The following RGPD3 variants were observed in gnomAD, a reference collection of about 807,000 sequenced individuals.
The protein encoded by RGPD3 is ranBP2-like and GRIP domain-containing protein 3.
RGPD3 carries 62 observed loss-of-function variants against 154.5 expected under a neutral mutation model. That is an observed-to-expected ratio of 0.40 (90% CI 0.33 to 0.50). The LOEUF is 0.50. RGPD3 is among the 20% of genes least tolerant of loss of function. The pLI is 0.59. For synonymous variants in RGPD3, 308 were observed against 607.0 expected, an observed-to-expected ratio of 0.51 and a Z score of 7.24; for missense variants, 919 against 1,716.8, an observed-to-expected ratio of 0.54 and a Z score of 8.21.
chr2:106,467,652 G>A (rs2104530698), intron 1 of RGPD3, among the ~76,000 whole-genome samples: 2 of 144,854 alleles, frequency 1.4e-5, no homozygotes, highest in Non-Finnish European at 1.5e-5. Flanking sequence ...GAGCGCGCCA[G>A]GGAGCAGCGC....
rs750586738 is a variant in RGPD3, at chr2:106,424,322, T to C, written c.3645A>G (p.Lys1215=). 1.2e-6 allele frequency: 2 copies of C among 1,611,842 alleles called. No homozygotes were observed. Among genetic ancestry groups the C allele is most frequent in the Non-Finnish European group, 1.7e-6 (2 of 1,179,868 alleles). The change falls in exon 20 of 23, where the codon AAA becomes AAG. Residue 1215 remains lysine, a synonymous_variant. Transcript: ENST00000409886. ...AACCCTTATTTTCTTCCTCAGCGAC[T>C]TTTGTTTGATCATTTGTCAAAAATG... ...FKTFLTNDQT[K]VAEEENKGSG...
At chr2:106,461,439 G>T (rs1483110511) in intron 1 of RGPD3, among the ~76,000 whole-genome samples, 1 of 152,218 alleles carries the variant, frequency 6.6e-6, no homozygotes, top group Non-Finnish European at 1.5e-5. Flanking sequence ...GAATATGTTG[G>T]ACAAAGGGAT....
intron 8 of RGPD3, among the ~76,000 whole-genome samples, chr2:106,439,841 G>C (rs541293846): frequency 7.6e-6 from 1 of 130,858 alleles, no homozygotes; most frequent in African/African-American, 2.7e-5. Context: ...ACTCCAGCCC[G>C]GGCGACAGAG....
At chr2:106,470,788 G>A, upstream of RGPD3, 2 of 1,595,950 alleles carry the variant, frequency 1.3e-6, no homozygotes, top group Non-Finnish European at 1.7e-6. Context: ...GCAACACCTA[G>A]TCCTTTTCTT....
At chr2:106,437,878 C>G (rs1429479655) in intron 9 of RGPD3, among the ~76,000 whole-genome samples, 13 of 152,304 alleles carry the variant, frequency 8.5e-5, no homozygotes, top group Non-Finnish European at 5.9e-5. Flanking sequence ...ATAAATCATA[C>G]ATAACCATTT....
intron 7 of RGPD3, among the ~76,000 whole-genome samples, chr2:106,446,074 G>A (rs376704713): frequency 1.4e-5 from 1 of 72,880 alleles, no homozygotes; most frequent in African/African-American, 5.3e-5. Context: ...GGCAACAAGA[G>A]CAAAACTCCG....
chr2:106,468,036 T>C (rs1309775637), intron 1 of RGPD3, among the ~76,000 whole-genome samples, 181 bp downstream of exon 1: 1 of 142,400 alleles, frequency 7.0e-6, no homozygotes, highest in Admixed American at 6.9e-5. Flanking sequence ...TCGGGAGCCA[T>C]GACGCCTGAG....
At chr2:106,441,194 C>T in intron 8 of RGPD3, 99 bp downstream of exon 8, 1 of 1,538,424 alleles carries the variant, frequency 6.5e-7, no homozygotes, top group East Asian at 2.5e-5. Flanking sequence ...ATAATTTTGA[C>T]AAATTATCTC....
At chr2:106,409,666 G>T (rs957375812) in intron 22 of RGPD3, among the ~76,000 whole-genome samples, 32 of 151,110 alleles carry the variant, frequency 2.1e-4, no homozygotes, top group African/African-American at 7.1e-4. Flanking sequence ...GATTTTATTG[G>T]GTTTTTGAAT....
At position 106,423,703 on chromosome 2, in the gene RGPD3, C is replaced by T. The variant is rs757120824; in HGVS notation, c.4264G>A (p.Gly1422Arg). 2 of 1,610,706 alleles carry T rather than the reference C, an allele frequency of 1.2e-6. No homozygotes were observed. Among genetic ancestry groups the T allele is most frequent in the Non-Finnish European group, 1.7e-6 (2 of 1,179,372 alleles). ...GTCCACACCCATACTCTTTCTGTCC[C>T]TTTCATATTTTGCAAACTCATGTCT... ...TPDMSLQNMK[G>R]TERVWVWTAC... The change falls in exon 20 of 23, where the codon GGG (glycine) becomes AGG (arginine). Residue 1422 changes from glycine (G) to arginine (R), a missense_variant. Transcript: ENST00000409886.
chr2:106,424,821 TCTA>T lies in RGPD3; in HGVS notation c.3143_3145del (p.Val1048del), dbSNP rs1334865112. The T allele has an allele frequency of 1.2e-6, 2 of 1,611,784 alleles. No homozygotes were observed. The highest frequency in any genetic ancestry group is 3.3e-5 in the Admixed American group (2 of 59,988). ...TTCACCTTCTTCTCCTGTTACAAGT[TCTA>T]CTTTTTCAGGCATTTGAACTACTGG... On this transcript the variant is annotated inframe_deletion, in exon 20 of 23. Transcript: ENST00000409886.
intron 4 of RGPD3, among the ~76,000 whole-genome samples, chr2:106,454,874 AG>A (rs1241550384): frequency 5.9e-5 from 9 of 152,244 alleles, no homozygotes; most frequent in Non-Finnish European, 1.3e-4. Flanking sequence ...ATTACTGGGG[AG>A]AAAAACTTAT....
intron 1 of RGPD3, among the ~76,000 whole-genome samples, chr2:106,466,221 C>G (rs1405820847): frequency 2.0e-5 from 3 of 152,164 alleles, no homozygotes; most frequent in Admixed American, 6.5e-5. Flanking sequence ...GTCTCCCGCC[C>G]GCAGCGGTCC....
intron 21 of RGPD3, among the ~76,000 whole-genome samples, chr2:106,413,949 G>A (rs1275099623): frequency 6.6e-6 from 1 of 152,134 alleles, no homozygotes; most frequent in Non-Finnish European, 1.5e-5. Flanking sequence ...GTATGGCATG[G>A]GGCTCTGAAA....
At chr2:106,459,672 T>G (rs1396124124) in intron 1 of RGPD3, among the ~76,000 whole-genome samples, 4 of 128,910 alleles carry the variant, frequency 3.1e-5, no homozygotes, top group Non-Finnish European at 6.5e-5. Context: ...CCAGGCATGA[T>G]GGCGGGTGCC....
chr2:106,423,767 G>A lies in RGPD3; in HGVS notation c.4200C>T (p.Asp1400=), dbSNP rs1330766308. ...GATTGGCACAAAGTTTTAATACTTG[G>A]TCCCTTCTCATCAGTATACGAACGT... ...NKHVRILMRR[D]QVLKLCANHR... Residue 1400 remains aspartate, a synonymous_variant, in exon 20 of 23, where the codon GAC becomes GAT. Transcript: ENST00000409886. 9 of 1,611,752 alleles carry A rather than the reference G, an allele frequency of 5.6e-6. No homozygotes were observed. The highest frequency in any genetic ancestry group is 7.6e-6 in the Non-Finnish European group (9 of 1,179,812).
Position 106,424,506 on chromosome 2 carries a change from G to T in RGPD3, c.3461C>A (p.Pro1154Gln), listed in dbSNP as rs1453185553. The T allele has an allele frequency of 6.2e-7, 1 of 1,606,486 alleles. No individual in the cohort carries two copies. Among genetic ancestry groups the T allele is most frequent in the Admixed American group, 1.7e-5 (1 of 59,746 alleles). Residue 1154 changes from proline to glutamine, a missense_variant, in exon 20 of 23, where the codon CCA becomes CAA. Transcript: ENST00000409886. ...LERLAAKFKT[P>Q]ELAEEFKQKF... ...CTGCTTGAATTCTTCAGCCAGCTCT[G>T]GTGTTTTAAATTTTGCTGCCAATCG...
rs769129506 is a variant in RGPD3, at chr2:106,424,525, C to A, written c.3442G>T (p.Ala1148Ser). 1.1e-5 allele frequency: 17 copies of A among 1,606,492 alleles called. No homozygotes were observed. Among genetic ancestry groups the A allele is most frequent in the Non-Finnish European group, 1.4e-5 (17 of 1,179,104 alleles). ...AGCTCTGGTGTTTTAAATTTTGCTG[C>A]CAATCGCTCTAGTTTGGCATCACCA... ...SDGDAKLERL[A>S]AKFKTPELAE... The change falls in exon 20 of 23, where the codon GCA becomes TCA. Residue 1148 changes from alanine (A) to serine (S), a missense_variant. Physicochemically the swap from Ala to Ser is moderately conservative, Grantham distance 99. Transcript: ENST00000409886.
intron 1 of RGPD3, among the ~76,000 whole-genome samples, chr2:106,460,317 C>A (rs1678371547): frequency 6.6e-6 from 1 of 151,608 alleles, no homozygotes; most frequent in African/African-American, 2.4e-5. Flanking sequence ...CCAGAAATCT[C>A]TTCTCCTACC....
Sources: allele counts gnomAD v4.1 joint callset (sites outside exome capture counted in the v4.1 genomes callset), GRCh38; gene constraint gnomAD v4.1.1; transcripts MANE v1.5; gene names NCBI Gene and HGNC (gene_info 2026-07-23, HGNC 2026-07-21).